Variants in FIGLA observed in about 807,000 individuals in gnomAD.
FIGLA encodes the protein factor in the germline alpha.
In FIGLA, 17 loss-of-function variants were observed where a neutral mutation model predicts 21.5. That is an observed-to-expected ratio of 0.79 (90% CI 0.54 to 1.19). The LOEUF (loss-of-function observed/expected upper bound fraction) is 1.19, where lower values mean the gene tolerates loss of function less well. FIGLA is among the 50% of genes most tolerant of loss of function. FIGLA has a pLI of 0.00. For missense variants in FIGLA, 282 were observed against 285.0 expected (o/e 0.99, Z 0.08); for synonymous variants, 129 against 117.6 (o/e 1.10, Z -0.63).
chr2:70,778,502 A>ATT (rs34595198), intron 3 of FIGLA, among the ~76,000 whole-genome samples: 1 of 151,394 alleles, frequency 6.6e-6, no homozygotes. Flanking sequence ...ATAAATTTTA[A>ATT]TTTTTTTCAT....
intron 3 of FIGLA, among the ~76,000 whole-genome samples, chr2:70,780,888 G>C (rs1255067202): frequency 6.6e-6 from 1 of 152,180 alleles, no homozygotes; most frequent in African/African-American, 2.4e-5. Context: ...TCCAGCAGAT[G>C]AGGGGCATAT....
chr2:70,779,984 T>C (rs1311440143), intron 3 of FIGLA, among the ~76,000 whole-genome samples: 9 of 152,190 alleles, frequency 5.9e-5, no homozygotes, highest in Non-Finnish European at 1.3e-4. Context: ...GCTCTAATTT[T>C]AAACAGGCCT....
intron 3 of FIGLA, among the ~76,000 whole-genome samples, chr2:70,782,189 G>C (rs1208633600): frequency 1.3e-5 from 2 of 152,156 alleles, no homozygotes; most frequent in East Asian, 3.8e-4. Flanking sequence ...AAAGTGAAAG[G>C]CTTGGCAGTC....
chr2:70,779,038 G>A (rs144824726), intron 3 of FIGLA, among the ~76,000 whole-genome samples: 15 of 152,198 alleles, frequency 9.9e-5, no homozygotes, highest in African/African-American at 3.6e-4. Context: ...ACAAGCATAG[G>A]CACCATCACA....
chr2:70,782,261 C>G (rs1456638261), intron 3 of FIGLA, among the ~76,000 whole-genome samples: 1 of 152,114 alleles, frequency 6.6e-6, no homozygotes, highest in African/African-American at 2.4e-5. Context: ...AAAATCTGCC[C>G]CATGTAATAG....
chr2:70,789,159 TA>T (rs1553390472), intron 1 of FIGLA, among the ~76,000 whole-genome samples: 1 of 34,450 alleles, frequency 2.9e-5, no homozygotes, highest in African/African-American at 2.5e-4. Context: ...GTAAAAATTA[TA>T]TATATATATA....
At chr2:70,782,738 A>G (rs1356824968) in intron 3 of FIGLA, among the ~76,000 whole-genome samples, 1 of 152,224 alleles carries the variant, frequency 6.6e-6, no homozygotes, top group African/African-American at 2.4e-5. Context: ...CAACCTTTCT[A>G]TAAGTTGACT....
In FIGLA at chr2:70,778,372, A is replaced by T. The variant is rs144026846; in HGVS notation, c.610-701T>A. Among the ~76,000 whole-genome samples the T allele has an allele frequency of 7.8e-4, 119 of 152,370 alleles. 2 individuals are homozygous for T. The East Asian group carries it at 0.02, about 26-fold the overall frequency. ...TACACTGCCAGGAGCAGTCTCTGAC[A>T]CAAAATATGTATGAGTAGCTTTTTT... On this transcript the variant is annotated intron_variant, in intron 3 of 4. Transcript: ENST00000332372.
rs1393507049 is a variant in FIGLA, at chr2:70,790,457, T to C, written c.182A>G (p.Gln61Arg). The change falls in exon 1 of 5, where the codon CAG (glutamine) becomes CGG (arginine). Residue 61 changes from glutamine to arginine, a missense_variant. Transcript: ENST00000332372. ...CACACGCCGCCGCTCCAGCACCAAC[T>C]GGAGGTTTTCAGTGGACGAGTAGCC... ...SGGYSSTENL[Q>R]LVLERRRVAN... The C allele has an allele frequency of 3.2e-6, 5 of 1,545,148 alleles. No individual in the cohort carries two copies. In the Admixed American group the frequency reaches 5.9e-5, roughly 18 times the overall value.
Position 70,777,673 on chromosome 2 carries a change from T to C in FIGLA, c.610-2A>G. On this transcript the variant is annotated splice_acceptor_variant, in intron 3 of 4. Transcript: ENST00000332372. LOFTEE classifies it high-confidence loss of function. ...CAGTTCTACTTCTGGGAATCTATCC[T>C]GCAAAAACAATACAAAATACAGAAA... The C allele has an allele frequency of 7.0e-7, 1 of 1,422,326 alleles. No individual in the cohort carries two copies. Among genetic ancestry groups the C allele is most frequent in the Non-Finnish European group, 9.9e-7 (1 of 1,010,896 alleles). The allele number at this position is 1,422,326 out of a possible 1,614,324, so 88.1% of individuals were successfully genotyped here.
At position 70,790,405 on chromosome 2, in the gene FIGLA, C is replaced by T; in HGVS notation, c.231+3G>A. On this transcript the variant is annotated splice_donor_region_variant and intron_variant, in intron 1 of 4. Transcript: ENST00000332372. Reference sequence around the variant, plus strand: ...ACGGACGTCGACCCTAGGGATCCCTCACCCGCTCACGCTCCTTGGCGTTGG... The same window carrying T: ...ACGGACGTCGACCCTAGGGATCCCTTACCCGCTCACGCTCCTTGGCGTTGG... 1 of 1,530,986 alleles carries T rather than the reference C, an allele frequency of 6.5e-7. No individual in the cohort carries two copies. Among genetic ancestry groups the T allele is most frequent in the East Asian group, 2.6e-5 (1 of 39,000 alleles). 94.8% of individuals were successfully genotyped at this position (1,530,986 alleles called of 1,614,324 possible).
At chr2:70,785,039 T>C (rs974359194) in intron 3 of FIGLA, among the ~76,000 whole-genome samples, 50 of 152,058 alleles carry the variant, frequency 3.3e-4, no homozygotes, top group African/African-American at 1.1e-3. Flanking sequence ...AGAAAACCTT[T>C]TGATGGGTTA....
rs1358428238 is a variant in FIGLA at position 70,790,521 on chromosome 2, G to C, written c.118C>G (p.Leu40Val). 2 of 1,540,070 alleles carry C rather than the reference G, an allele frequency of 1.3e-6. No individual in the cohort carries two copies. The highest frequency in any genetic ancestry group is 1.7e-6 in the Non-Finnish European group (2 of 1,146,330). ...CGCTTGAGCCGGCAGACAGCGGCCA[G>C]CTGGGGCAGCGGCCCGAACTGCTCC... ...LREQFGPLPQ[L>V]AAVCRLKRLP... The change falls in exon 1 of 5, where the codon CTG (leucine) becomes GTG (valine). Residue 40 changes from leucine (L) to valine (V), a missense_variant. Transcript: ENST00000332372.
rs1553390252 is a variant in FIGLA, at chr2:70,787,732, G to A, written c.301C>T (p.Pro101Ser). ...LVPFLPQSRKPSKVDILKGAT... is the reference protein window; with the variant it reads ...LVPFLPQSRKSSKVDILKGAT... ...CCTTTAAGGATATCAACTTTGCTGG[G>A]CTTCCTGCTTTGGGGAAGAAATGGC... Residue 101 changes from proline to serine, a missense_variant, in exon 2 of 5, where the codon CCC becomes TCC. Pro to Ser is a moderately conservative substitution (Grantham distance 74, BLOSUM62 -1). Transcript: ENST00000332372. 1.2e-6 allele frequency: 2 copies of A among 1,612,314 alleles called. No individual in the cohort carries two copies. Among genetic ancestry groups the A allele is most frequent in the Middle Eastern group, 1.6e-4 (1 of 6,062 alleles).
At chr2:70,777,722 T>C in intron 3 of FIGLA, 51 bp from the exon 4 acceptor site, 1 of 1,010,110 alleles carries the variant, frequency 9.9e-7, no homozygotes. Context: ...CGGTTATTTG[T>C]CACGTTTAAG....
In FIGLA at chr2:70,782,950, C is replaced by T. The variant is rs75474365; in HGVS notation, c.609+2465G>A. Among the ~76,000 whole-genome samples, 1,355 of 150,870 alleles carry T rather than the reference C, an allele frequency of 9.0e-3. 24 individuals are homozygous for T. Among genetic ancestry groups the T allele is most frequent in the African/African-American group, 0.031 (1,280 of 41,044 alleles). On this transcript the variant is annotated intron_variant, in intron 3 of 4. Transcript: ENST00000332372. ...GGTGTGGTGGTGTGAGCCAGCTACT[C>T]GGGAGGCTGAGGCAGGAGAGTTACT...
At chr2:70,777,460 A>G in intron 4 of FIGLA, 78 bp from the exon 5 acceptor site, 1 of 1,353,974 alleles carries the variant, frequency 7.4e-7, no homozygotes, top group Non-Finnish European at 9.9e-7. Context: ...AATATGCAAA[A>G]AATTAATTTT....
At chr2:70,789,401 T>C (rs1676015843) in intron 1 of FIGLA, among the ~76,000 whole-genome samples, 3 of 152,138 alleles carry the variant, frequency 2.0e-5, no homozygotes, top group African/African-American at 7.2e-5. Flanking sequence ...ACTTAAACTA[T>C]TAGATCATAA....
At chr2:70,778,502 AT>A (rs34595198) in intron 3 of FIGLA, among the ~76,000 whole-genome samples, 1 of 151,394 alleles carries the variant, frequency 6.6e-6, no homozygotes, top group African/African-American at 2.4e-5. Flanking sequence ...ATAAATTTTA[AT>A]TTTTTTCATA....
Sources: allele counts gnomAD v4.1 joint callset (sites outside exome capture counted in the v4.1 genomes callset), GRCh38; gene constraint gnomAD v4.1.1; transcripts MANE v1.5; gene names NCBI Gene and HGNC (gene_info 2026-07-23, HGNC 2026-07-21).